Variants in ANKHD1 observed in about 807,000 individuals in gnomAD.
ANKHD1 encodes the protein ankyrin repeat and KH domain-containing protein 1.
Under a neutral mutation model 230.5 loss-of-function variants are expected in ANKHD1, and 31 were observed. That is an observed-to-expected ratio of 0.13 (90% CI 0.10 to 0.18). The LOEUF is 0.18. ANKHD1 is among the 10% of genes least tolerant of loss of function. ANKHD1 has a pLI of 1.00. For missense variants in ANKHD1, 2,256 were observed against 3,071.3 expected, an observed-to-expected ratio of 0.73 and a Z score of 6.27; for synonymous variants, 1,074 against 1,117.6, an observed-to-expected ratio of 0.96 and a Z score of 0.78.
chr5:140,513,293 G>C (rs947691280), intron 23 of ANKHD1, 70 bp from the exon 24 acceptor site: 1 of 1,439,756 alleles, frequency 6.9e-7, no homozygotes, highest in African/African-American at 1.4e-5. Flanking sequence ...GGACTTTAAT[G>C]TGCTCATCAG....
intron 1 of ANKHD1, among the ~76,000 whole-genome samples, chr5:140,411,853 G>C (rs1770954021): frequency 6.7e-6 from 1 of 148,776 alleles, no homozygotes; most frequent in Non-Finnish European, 1.5e-5. Flanking sequence ...TTTTGAGACA[G>C]GGTCCCGTTA....
chr5:140,424,577 C>G (rs1772255645), intron 1 of ANKHD1, among the ~76,000 whole-genome samples: 1 of 152,114 alleles, frequency 6.6e-6, no homozygotes, highest in African/African-American at 2.4e-5. Context: ...TAGTCAAAGC[C>G]AAATCCTAAA....
At position 140,448,755 on chromosome 5, in the gene ANKHD1, T is replaced by C. The variant is rs949882311; in HGVS notation, c.1148-456T>C. Among the ~76,000 whole-genome samples, 33 of 152,218 alleles carry C rather than the reference T, an allele frequency of 2.2e-4. 1 individual carries two copies. The highest frequency in any genetic ancestry group is 1.1e-3 in the Admixed American group (17 of 15,274). ...CATTTTCTTATTGACTATCAAGGCT[T>C]TTTATATATTCACTGTATCAAGAGG... On this transcript the variant is annotated intron_variant, in intron 6 of 33. Transcript: ENST00000360839.
chr5:140,511,777 A>T (rs1275125725), intron 22 of ANKHD1, among the ~76,000 whole-genome samples: 2 of 152,230 alleles, frequency 1.3e-5, no homozygotes, highest in Non-Finnish European at 2.9e-5. Context: ...CCATAAACAT[A>T]TAAATTATTT....
intron 24 of ANKHD1, among the ~76,000 whole-genome samples, chr5:140,516,274 C>A (rs532723246): frequency 3.3e-5 from 5 of 152,232 alleles, no homozygotes; most frequent in Admixed American, 3.3e-4. Context: ...CGAGCAAAGC[C>A]TCCAAGAAAT....
chr5:140,524,908 G>T, intron 25 of ANKHD1: 1 of 280,464 alleles, frequency 3.6e-6, no homozygotes, highest in Admixed American at 4.5e-5. Context: ...AGACCAGCCT[G>T]ACCAATATGG....
At chr5:140,462,309 A>C (rs748619682) in intron 9 of ANKHD1, among the ~76,000 whole-genome samples, 5 of 152,008 alleles carry the variant, frequency 3.3e-5, no homozygotes, top group Non-Finnish European at 5.9e-5. Flanking sequence ...TTAATTCCTT[A>C]GGGGTTACAA....
At chr5:140,534,839 A>G (rs529964928) in intron 29 of ANKHD1, among the ~76,000 whole-genome samples, 7 of 152,314 alleles carry the variant, frequency 4.6e-5, no homozygotes, top group African/African-American at 1.4e-4. Context: ...AACTGTTGAT[A>G]TTTTCTATCA....
intron 2 of ANKHD1, among the ~76,000 whole-genome samples, chr5:140,437,621 G>A (rs1401186296): frequency 1.3e-5 from 2 of 152,168 alleles, no homozygotes; most frequent in Non-Finnish European, 2.9e-5. Flanking sequence ...CAGGAGAATC[G>A]CTTGAACCCA....
At chr5:140,521,378 T>TA (rs1230379420) in intron 24 of ANKHD1, among the ~76,000 whole-genome samples, 2 of 152,196 alleles carry the variant, frequency 1.3e-5, no homozygotes, top group African/African-American at 4.8e-5. Context: ...CTCATGCCTG[T>TA]AATCCCAGCA....
chr5:140,519,697 C>T (rs974819083), intron 24 of ANKHD1, among the ~76,000 whole-genome samples: 3 of 152,212 alleles, frequency 2.0e-5, no homozygotes, highest in Non-Finnish European at 4.4e-5. Context: ...CTATTTAATA[C>T]ATGGTGCTGG....
In ANKHD1 at chr5:140,506,805, T is replaced by G. The variant is rs377179624; in HGVS notation, c.3409-30T>G. The G allele has an allele frequency of 4.3e-6, 7 of 1,611,844 alleles. No individual in the cohort carries two copies. The African/African-American group carries it at 9.4e-5, about 22-fold the overall frequency. ...TATAAGTTGAGCCCTTGGTGTAAAC[T>G]CTCTTCTCTATCCATATTTTACTTT... On this transcript the variant is annotated intron_variant, in intron 18 of 33. Transcript: ENST00000360839. The surrounding 1 kb of genome is among the most constrained non-coding windows in gnomAD (Gnocchi z 4.7).
intron 29 of ANKHD1, chr5:140,532,968 G>A (rs906366295): frequency 7.9e-6 from 2 of 254,090 alleles, no homozygotes; most frequent in Non-Finnish European, 1.6e-5. Flanking sequence ...CATGGTGGTG[G>A]GTGCCTGTAA....
chr5:140,492,734 TA>T lies in ANKHD1; in HGVS notation c.2246-3784del, dbSNP rs146030813. On this transcript the variant is annotated intron_variant, in intron 14 of 33. Transcript: ENST00000360839. ...TTTAAGTTTTATAGACAAAACCAAG[TA>T]AGGAAATATGAAATCTAGTCTAGAT... is the stretch of plus-strand genomic sequence containing the variant. Among the ~76,000 whole-genome samples, 1,126 of 152,318 alleles carry T rather than the reference TA, an allele frequency of 7.4e-3. 10 individuals carry two copies. Among genetic ancestry groups the T allele is most frequent in the Non-Finnish European group, 0.011 (778 of 68,028 alleles).
chr5:140,534,558 A>G (rs1753988205), intron 29 of ANKHD1, among the ~76,000 whole-genome samples: 1 of 152,218 alleles, frequency 6.6e-6, no homozygotes, highest in Non-Finnish European at 1.5e-5. Context: ...TATACTTTAA[A>G]TGGGTGAATT....
intron 1 of ANKHD1, among the ~76,000 whole-genome samples, chr5:140,422,766 C>T (rs886674835): frequency 6.6e-5 from 10 of 151,192 alleles, no homozygotes; most frequent in African/African-American, 2.4e-4. Flanking sequence ...GCCAAGATTG[C>T]ACCATTGCAC....
In ANKHD1 at chr5:140,485,347, A is replaced by G. The variant is rs1366468154; in HGVS notation, c.1998+99A>G. 1.4e-6 allele frequency: 2 copies of G among 1,455,046 alleles called. No individual in the cohort carries two copies. Among genetic ancestry groups the G allele is most frequent in the Non-Finnish European group, 1.8e-6 (2 of 1,101,888 alleles). The allele number at this position is 1,455,046 out of a possible 1,614,324, so 90.1% of individuals were successfully genotyped here. ...TGAGGCGGGTGGATCACTTGAGCCCAGGAGTTTGAGACTAGTCTAGGCAAC... is the reference window on the plus strand; with the variant it reads ...TGAGGCGGGTGGATCACTTGAGCCCGGGAGTTTGAGACTAGTCTAGGCAAC... On this transcript the variant is annotated intron_variant, in intron 12 of 33. Transcript: ENST00000360839. This position sits in a 1 kb window ranked among gnomAD's most constrained non-coding sequence, Gnocchi z 4.8.
chr5:140,459,959 T>C (rs1383804686), intron 9 of ANKHD1, among the ~76,000 whole-genome samples: 1 of 152,202 alleles, frequency 6.6e-6, no homozygotes, highest in East Asian at 1.9e-4. Flanking sequence ...TTATTAATGT[T>C]TGTGTAGTGA....
At chr5:140,477,659 T>G (rs943542797) in intron 10 of ANKHD1, among the ~76,000 whole-genome samples, 2 of 152,358 alleles carry the variant, frequency 1.3e-5, no homozygotes, top group Admixed American at 6.5e-5. Context: ...GTCACCAGGC[T>G]GGAGTGCAGT....
Sources: gnomAD v4.1 joint callset for allele counts (sites outside exome capture counted in the v4.1 genomes callset) on GRCh38, gnomAD v4.1.1 for gene constraint, Gnocchi (gnomAD v3.1) non-coding constraint, MANE v1.5 for transcripts, NCBI Gene and HGNC (gene_info 2026-07-23, HGNC 2026-07-21) for gene names.